Variants in SCFD2 observed in about 807,000 individuals in gnomAD.
The protein encoded by SCFD2 is sec1 family domain containing 2, also known as sec1 family domain-containing protein 2.
A neutral mutation model predicts 58.9 loss-of-function variants in SCFD2; 54 were observed. That is an observed-to-expected ratio of 0.92 (90% confidence interval 0.74 to 1.15). The LOEUF is 1.15. Ranked by LOEUF, SCFD2 falls within the 50% of genes most tolerant of loss-of-function variation. The pLI is 0.00. For missense variants in SCFD2, 805 were observed against 836.6 expected (o/e 0.96, Z 0.47); for synonymous variants, 321 against 335.9 (o/e 0.96, Z 0.49).
chr4:53,288,532 C>T (rs1055191063), intron 3 of SCFD2, among the ~76,000 whole-genome samples: 33 of 152,074 alleles, frequency 2.2e-4, no homozygotes, highest in African/African-American at 6.7e-4. Flanking sequence ...AGATTACCAG[C>T]GAATTTCTAA....
At chr4:52,948,398 G>A in intron 5 of SCFD2, 1 of 409,868 alleles carries the variant, frequency 2.4e-6, no homozygotes, top group Non-Finnish European at 4.9e-6. Flanking sequence ...CAAAGGGCCT[G>A]GACTCACGAG....
chr4:53,250,153 A>G (rs1306136532), intron 4 of SCFD2, among the ~76,000 whole-genome samples: 1 of 152,210 alleles, frequency 6.6e-6, no homozygotes, highest in Admixed American at 6.5e-5. Flanking sequence ...TTGCAACCCT[A>G]GTCTCGGATA....
At chr4:53,258,049 TA>T (rs1730701870) in intron 4 of SCFD2, among the ~76,000 whole-genome samples, 1 of 152,164 alleles carries the variant, frequency 6.6e-6, no homozygotes, top group South Asian at 2.1e-4. Context: ...TCGAGGGCCA[TA>T]AAGGAAAGAC....
chr4:53,248,051 G>A (rs1730170843), intron 4 of SCFD2, among the ~76,000 whole-genome samples: 1 of 152,190 alleles, frequency 6.6e-6, no homozygotes, highest in Non-Finnish European at 1.5e-5. Context: ...AGTGGGCGCA[G>A]GTCAGTGGGT....
intron 5 of SCFD2, among the ~76,000 whole-genome samples, chr4:53,082,184 A>G (rs1199781828): frequency 6.6e-6 from 1 of 152,226 alleles, no homozygotes; most frequent in Non-Finnish European, 1.5e-5. Context: ...GTATAAAAAC[A>G]GAATCTTATT....
At chr4:52,992,843 G>A (rs558430550) in intron 5 of SCFD2, among the ~76,000 whole-genome samples, 82 of 152,248 alleles carry the variant, frequency 5.4e-4, no homozygotes, top group African/African-American at 1.9e-3. Context: ...CGGCTGCCCC[G>A]TCTGGGAAGT....
intron 4 of SCFD2, among the ~76,000 whole-genome samples, chr4:53,225,569 T>A (rs1184214703): frequency 6.6e-6 from 1 of 152,238 alleles, no homozygotes; most frequent in African/African-American, 2.4e-5. Flanking sequence ...ACACCCTATA[T>A]AAAATTTTTA....
chr4:53,186,708 G>A (rs763478504), intron 4 of SCFD2, among the ~76,000 whole-genome samples: 1 of 151,946 alleles, frequency 6.6e-6, no homozygotes, highest in African/African-American at 2.4e-5. Context: ...AAAATCTTTA[G>A]AGGTAGAAGG....
At chr4:53,125,913 C>T (rs1182037469) in intron 5 of SCFD2, among the ~76,000 whole-genome samples, 1 of 151,984 alleles carries the variant, frequency 6.6e-6, no homozygotes, top group East Asian at 1.9e-4. Context: ...GGGAGAGCAT[C>T]CAGAAAGGAC....
rs372925643 is a variant in SCFD2 at position 52,976,558 on chromosome 4, T to A, written c.1562-55688A>T. 5.3e-5 allele frequency among the ~76,000 whole-genome samples: 8 copies of A among 152,148 alleles called. No individual in the cohort carries two copies. In the East Asian group the frequency reaches 5.8e-4, roughly 11 times the overall value. On this transcript the variant is annotated intron_variant, in intron 5 of 8. Transcript: ENST00000401642. ...GGGGAGCAGCAGCCCAAACTAGAAA[T>A]ACTAGGCTGGATGAACTATAGCCAC...
Position 53,070,876 on chromosome 4 carries a change from T to C in SCFD2, c.1561+74457A>G, listed in dbSNP as rs1176504104. Reference sequence around the variant, plus strand: ...TATAAAAATATATACCCATATTTTATAGACATAGAACACTCTCCCATTAGG... The same window carrying C: ...TATAAAAATATATACCCATATTTTACAGACATAGAACACTCTCCCATTAGG... On this transcript the variant is annotated intron_variant, in intron 5 of 8. Coordinates refer to ENST00000401642, the MANE Select transcript of SCFD2 (RefSeq NM_152540.4). 3.0e-4 allele frequency among the ~76,000 whole-genome samples: 45 copies of C among 152,122 alleles called. 1 individual carries two copies. Among genetic ancestry groups the C allele is most frequent in the Admixed American group, 3.0e-3 (45 of 15,236 alleles).
At chr4:53,126,093 T>C (rs1725619250) in intron 5 of SCFD2, among the ~76,000 whole-genome samples, 1 of 152,296 alleles carries the variant, frequency 6.6e-6, no homozygotes, top group East Asian at 1.9e-4. Flanking sequence ...ATATGAAGTT[T>C]CGCTAAAACT....
intron 5 of SCFD2, among the ~76,000 whole-genome samples, chr4:53,005,303 G>A (rs1721949565): frequency 6.6e-6 from 1 of 152,170 alleles, no homozygotes; most frequent in Non-Finnish European, 1.5e-5. Context: ...TTTCCATAAA[G>A]TTGCAAGGAG....
chr4:53,035,181 C>A (rs1722723497), intron 5 of SCFD2, among the ~76,000 whole-genome samples: 1 of 152,172 alleles, frequency 6.6e-6, no homozygotes, highest in Non-Finnish European at 1.5e-5. Flanking sequence ...ACATCTACAA[C>A]CATCTGATCT....
At chr4:52,983,624 TGTTCCCA>T (rs1413784066) in intron 5 of SCFD2, among the ~76,000 whole-genome samples, 1 of 152,252 alleles carries the variant, frequency 6.6e-6, no homozygotes, top group Non-Finnish European at 1.5e-5. Flanking sequence ...TAAAGTGGTC[TGTTCCCA>T]GTTCCAGGAG....
rs992182231 is a variant in SCFD2 at position 53,072,861 on chromosome 4, T to G, written c.1561+72472A>C. On this transcript the variant is annotated intron_variant, in intron 5 of 8. Coordinates refer to ENST00000401642, the MANE Select transcript of SCFD2 (RefSeq NM_152540.4). The stretch of plus-strand genomic sequence containing the variant: ...ACTCCTTGTGTGTCCGCATCCTAGT[T>G]TTCTGTGGCCACAAGACAATGAATC... Among the ~76,000 whole-genome samples the G allele has an allele frequency of 3.3e-5, 5 of 152,070 alleles. No homozygotes were observed. The East Asian group carries it at 9.7e-4, about 29-fold the overall frequency.
At chr4:52,990,564 G>T (rs1400756100) in intron 5 of SCFD2, among the ~76,000 whole-genome samples, 1 of 152,154 alleles carries the variant, frequency 6.6e-6, no homozygotes, top group African/African-American at 2.4e-5. Flanking sequence ...AAAATGACGT[G>T]CAGATGGTTT....
intron 4 of SCFD2, among the ~76,000 whole-genome samples, chr4:53,179,693 GAC>G: frequency 6.6e-6 from 1 of 152,076 alleles, no homozygotes. Flanking sequence ...CCAATTAAAA[GAC>G]ACAGACTGGC....
chr4:53,277,334 G>C (rs1731357688), intron 3 of SCFD2, among the ~76,000 whole-genome samples: 1 of 152,146 alleles, frequency 6.6e-6, no homozygotes, highest in Non-Finnish European at 1.5e-5. Context: ...ACACAAAATG[G>C]TTTCAAAACT....
Sources: gnomAD v4.1 joint callset for allele counts (sites outside exome capture counted in the v4.1 genomes callset) on GRCh38, gnomAD v4.1.1 for gene constraint, MANE v1.5 for transcripts, NCBI Gene and HGNC (gene_info 2026-07-23, HGNC 2026-07-21) for gene names.